The following NBEA variants were observed in gnomAD, a reference collection of about 807,000 sequenced individuals.
The protein encoded by NBEA is neurobeachin.
In NBEA, 44 loss-of-function variants were observed where a neutral mutation model predicts 343.4. That is an observed-to-expected ratio of 0.13 (90% confidence interval 0.10 to 0.16). The LOEUF is 0.16. Ranked by LOEUF, NBEA falls within the 10% of genes least tolerant of loss-of-function variation. NBEA has a pLI of 1.00. For synonymous variants in NBEA, 1,175 were observed against 1,238.7 expected, an observed-to-expected ratio of 0.95 and a Z score of 1.08; for missense variants, 2,555 against 3,631.3, an observed-to-expected ratio of 0.70 and a Z score of 7.62.
chr13:35,266,825 C>T (rs984155053), intron 34 of NBEA, among the ~76,000 whole-genome samples: 6 of 151,804 alleles, frequency 4.0e-5, no homozygotes, highest in South Asian at 2.1e-4. Context: ...ACTCAGTGTT[C>T]GGGGTGCTGA....
chr13:35,556,518 T>TA (rs1284519045), intron 44 of NBEA, among the ~76,000 whole-genome samples: 2 of 152,070 alleles, frequency 1.3e-5, no homozygotes, highest in Non-Finnish European at 2.9e-5. Context: ...TACTTTTTTT[T>TA]AATGTCCTCT....
At chr13:35,295,553 A>G (rs2152821545) in intron 35 of NBEA, among the ~76,000 whole-genome samples, 1 of 152,322 alleles carries the variant, frequency 6.6e-6, no homozygotes, top group Admixed American at 6.5e-5. Flanking sequence ...AATAAAAGTT[A>G]AACAGGAAGG....
intron 46 of NBEA, among the ~76,000 whole-genome samples, chr13:35,587,123 C>G (rs1295883211): frequency 6.6e-6 from 1 of 152,088 alleles, no homozygotes; most frequent in Non-Finnish European, 1.5e-5. Context: ...TACCTATTAG[C>G]TGTGCGGAAA....
At chr13:34,957,422 C>T (rs1029436362) in intron 1 of NBEA, among the ~76,000 whole-genome samples, 1 of 152,096 alleles carries the variant, frequency 6.6e-6, no homozygotes, top group East Asian at 1.9e-4. Context: ...ACCTAAAAAT[C>T]GATTTGTGGA....
At chr13:35,533,052 A>G (rs1358895082) in intron 41 of NBEA, among the ~76,000 whole-genome samples, 1 of 152,168 alleles carries the variant, frequency 6.6e-6, no homozygotes, top group African/African-American at 2.4e-5. Context: ...TACAAATACA[A>G]TTTTGATAGA....
chr13:35,227,793 A>G (rs2074740475), intron 33 of NBEA, among the ~76,000 whole-genome samples: 1 of 152,050 alleles, frequency 6.6e-6, no homozygotes, highest in African/African-American at 2.4e-5. Flanking sequence ...TAGCACAAAC[A>G]TAAGGGTGTT....
At chr13:35,517,720 C>T (rs939999326) in intron 41 of NBEA, among the ~76,000 whole-genome samples, 7 of 152,146 alleles carry the variant, frequency 4.6e-5, no homozygotes, top group African/African-American at 1.7e-4. Flanking sequence ...TTTGAATCTC[C>T]AATCAATTTG....
chr13:35,371,043 C>A (rs1243664139), intron 38 of NBEA, among the ~76,000 whole-genome samples: 2 of 151,754 alleles, frequency 1.3e-5, no homozygotes, highest in East Asian at 1.9e-4. Context: ...TTTTTGAATT[C>A]TTTCTTTGTC....
chr13:34,977,035 G>A (rs1490323149), intron 1 of NBEA, among the ~76,000 whole-genome samples: 1 of 150,460 alleles, frequency 6.6e-6, no homozygotes, highest in African/African-American at 2.4e-5. Context: ...CTGCCTCCCA[G>A]GTTCAAGTGA....
At chr13:35,484,147 A>G (rs954516780) in intron 41 of NBEA, among the ~76,000 whole-genome samples, 1 of 151,928 alleles carries the variant, frequency 6.6e-6, no homozygotes, top group Non-Finnish European at 1.5e-5. Flanking sequence ...TTTGAATGTC[A>G]TAAGCTTTTA....
At chr13:35,237,450 C>T (rs1314919890) in intron 34 of NBEA, among the ~76,000 whole-genome samples, 2 of 152,168 alleles carry the variant, frequency 1.3e-5, no homozygotes, top group African/African-American at 2.4e-5. Flanking sequence ...CTTTGTTCTT[C>T]GCTCTCCTTC....
chr13:35,574,773 G>T (rs58565073), intron 45 of NBEA, among the ~76,000 whole-genome samples: 5,103 of 135,090 alleles, frequency 0.038, 318 homozygotes, highest in African/African-American at 0.13. Context: ...TTTTTTTTTT[G>T]AGTTTCGCTC....
chr13:35,128,064 A>G (rs1227692996), intron 17 of NBEA, among the ~76,000 whole-genome samples: 2 of 127,654 alleles, frequency 1.6e-5, no homozygotes, highest in East Asian at 5.3e-4. Flanking sequence ...GTTTTATTAT[A>G]TAAGTACAAA....
intron 38 of NBEA, among the ~76,000 whole-genome samples, chr13:35,419,707 A>G (rs1466311618): frequency 1.3e-5 from 2 of 151,984 alleles, no homozygotes; most frequent in Admixed American, 1.3e-4. Context: ...TGTTGGGTTA[A>G]TATCTACCCC....
intron 40 of NBEA, among the ~76,000 whole-genome samples, chr13:35,469,799 A>G (rs2075563094): frequency 6.6e-6 from 1 of 152,214 alleles, no homozygotes; most frequent in African/African-American, 2.4e-5. Flanking sequence ...TCTCACCATC[A>G]TTCAGAGATG....
intron 13 of NBEA, among the ~76,000 whole-genome samples, chr13:35,115,580 T>C (rs1167538806): frequency 3.3e-5 from 5 of 152,162 alleles, no homozygotes; most frequent in African/African-American, 1.2e-4. Context: ...GCTTCTATAG[T>C]TTACATAAAT....
chr13:34,963,293 C>T (rs983050198), intron 1 of NBEA, among the ~76,000 whole-genome samples: 2 of 151,994 alleles, frequency 1.3e-5, no homozygotes, highest in Non-Finnish European at 2.9e-5. Context: ...CCTTTGTCTT[C>T]ATATGTGCTT....
intron 30 of NBEA, among the ~76,000 whole-genome samples, chr13:35,191,136 T>A (rs1185232544): frequency 6.6e-6 from 1 of 152,072 alleles, no homozygotes; most frequent in East Asian, 1.9e-4. Context: ...GAACAGAGCC[T>A]CACAGACCTT....
At chr13:35,551,489 A>G (rs536608657) in intron 43 of NBEA, among the ~76,000 whole-genome samples, 1 of 152,330 alleles carries the variant, frequency 6.6e-6, no homozygotes, top group South Asian at 2.1e-4. Context: ...TTGTAACCAC[A>G]TTTCCTAGAT....
Sources: allele counts gnomAD v4.1 joint callset (sites outside exome capture counted in the v4.1 genomes callset), GRCh38; gene constraint gnomAD v4.1.1; transcripts MANE v1.5; gene names NCBI Gene and HGNC (gene_info 2026-07-23, HGNC 2026-07-21).